Variants in TAS2R5 observed in about 807,000 individuals in gnomAD.
TAS2R5 encodes the protein taste 2 receptor member 5.
Under a neutral mutation model 14.4 loss-of-function variants are expected in TAS2R5, and 11 were observed. The ratio of observed to expected loss-of-function variants is 0.77; its 90% confidence interval spans 0.48 to 1.27. The LOEUF (loss-of-function observed/expected upper bound fraction) is 1.27. Ranked by LOEUF, TAS2R5 falls within the 50% of genes most tolerant of loss-of-function variation. The pLI is 0.00. For synonymous variants in TAS2R5, 120 were observed against 137.1 expected (o/e 0.87, Z 0.87); for missense variants, 339 against 353.9 (o/e 0.96, Z 0.34).
In TAS2R5 at chr7:141,791,093, C is replaced by T. The variant is rs1800443093; in HGVS notation, c.732C>T (p.Ser244=). ...YIMASPFSIT[S]KTYPPDLTSV... ...TGGCCAGCCCCTTCTCCATCACCTC[C>T]AAGACTTATCCTCCTGATCTCACCA... Residue 244 remains serine, a synonymous_variant, in exon 1 of 1, where the codon TCC becomes TCT. Transcript: ENST00000247883. 3 of 1,614,184 alleles carry T rather than the reference C, an allele frequency of 1.9e-6. No homozygotes were observed. Among genetic ancestry groups the T allele is most frequent in the Non-Finnish European group, 2.5e-6 (3 of 1,180,018 alleles).
rs1455085733 is a variant in TAS2R5, at chr7:141,791,314, C to T, written c.*53C>T. On this transcript the variant is annotated 3_prime_UTR_variant, in exon 1 of 1. Coordinates refer to ENST00000247883, the MANE Select transcript of TAS2R5 (RefSeq NM_018980.3). ...CTCTTGGGACGCTCTTTTGATAGCT[C>T]TCTATAAGGGAGCTGCTTTCCATGT... The T allele has an allele frequency of 1.7e-5, 26 of 1,523,922 alleles. No individual in the cohort carries two copies. In the Admixed American group the frequency reaches 2.6e-4, roughly 15 times the overall value. The allele number at this position is 1,523,922 out of a possible 1,614,324, so 94.4% of individuals were successfully genotyped here. A position where few individuals can be genotyped will look rare whatever the true frequency, so the allele number is the denominator to read the frequency against.
In TAS2R5 at chr7:141,791,306, T is replaced by C; in HGVS notation, c.*45T>C. 1.3e-6 allele frequency: 2 copies of C among 1,552,430 alleles called. No homozygotes were observed. The highest frequency in any genetic ancestry group is 1.7e-6 in the Non-Finnish European group (2 of 1,149,066). On this transcript the variant is annotated 3_prime_UTR_variant, in exon 1 of 1. Coordinates refer to ENST00000247883, the MANE Select transcript of TAS2R5 (RefSeq NM_018980.3). The stretch of plus-strand genomic sequence containing the variant: ...TCAGGACACTCTTGGGACGCTCTTT[T>C]GATAGCTCTCTATAAGGGAGCTGCT...
Position 141,790,775 on chromosome 7 carries a change from G to C in TAS2R5, c.414G>C (p.Leu138Phe). The C allele has an allele frequency of 6.2e-7, 1 of 1,614,128 alleles. No homozygotes were observed. ...TTCTGGGCTACTTTATAATCAATTT[G>C]TTACTTACAGTCCAAATTGGCTTAA... is the stretch of plus-strand genomic sequence containing the variant. ...WCLLGYFIIN[L>F]LLTVQIGLTF... The change falls in exon 1 of 1, where the codon TTG becomes TTC. Residue 138 changes from leucine to phenylalanine, a missense_variant. Leu to Phe is a conservative substitution (Grantham distance 22, BLOSUM62 0). Coordinates refer to ENST00000247883, the MANE Select transcript of TAS2R5 (RefSeq NM_018980.3).
chr7:141,790,877 G>A lies in TAS2R5; in HGVS notation c.516G>A (p.Gln172=). Residue 172 remains glutamine, a synonymous_variant, in exon 1 of 1, where the codon CAG becomes CAA. Transcript: ENST00000247883. Reference sequence around the variant, plus strand: ...GCTGGCAGTACCTGTATGCATTTCAGCTCAATTCAGGAAGTTATTTGCCTT... The same window carrying A: ...GCTGGCAGTACCTGTATGCATTTCAACTCAATTCAGGAAGTTATTTGCCTT... ...FESWQYLYAF[Q]LNSGSYLPLV... The A allele has an allele frequency of 6.2e-7, 1 of 1,614,142 alleles. No homozygotes were observed. The highest frequency in any genetic ancestry group is 1.1e-5 in the South Asian group (1 of 91,064).
At position 141,790,781 on chromosome 7, in the gene TAS2R5, T is replaced by A. The variant is rs778955076; in HGVS notation, c.420T>A (p.Leu140=). Residue 140 remains leucine, a synonymous_variant, in exon 1 of 1, where the codon CTT becomes CTA. Coordinates refer to ENST00000247883, the MANE Select transcript of TAS2R5 (RefSeq NM_018980.3). Reference sequence around the variant, plus strand: ...GCTACTTTATAATCAATTTGTTACTTACAGTCCAAATTGGCTTAACATTCT... The same window carrying A: ...GCTACTTTATAATCAATTTGTTACTAACAGTCCAAATTGGCTTAACATTCT... ...LLGYFIINLL[L]TVQIGLTFYH... 16 of 1,614,194 alleles carry A rather than the reference T, an allele frequency of 9.9e-6. No homozygotes were observed. Among genetic ancestry groups the A allele is most frequent in the Non-Finnish European group, 1.4e-5 (16 of 1,180,042 alleles).
rs747180926 is a variant in TAS2R5 at position 141,791,043 on chromosome 7, C to G, written c.682C>G (p.Leu228Val). The change falls in exon 1 of 1, where the codon CTC (leucine) becomes GTC (valine). Residue 228 changes from leucine (L) to valine (V), a missense_variant. Leu to Val is a conservative substitution (Grantham distance 32). Transcript: ENST00000247883. ...TGCGCTGAAGTCCTTGGGCTGCTTCCTCTTACTTCACCTGGTTTATATCAT... is the reference window on the plus strand; with the variant it reads ...TGCGCTGAAGTCCTTGGGCTGCTTCGTCTTACTTCACCTGGTTTATATCAT... ...ITALKSLGCF[L>V]LLHLVYIMAS... 6 of 1,614,086 alleles carry G rather than the reference C, an allele frequency of 3.7e-6. No homozygotes were observed. The highest frequency in any genetic ancestry group is 2.7e-5 in the African/African-American group (2 of 74,926).
rs773151838 is a variant in TAS2R5 at position 141,790,623 on chromosome 7, G to A, written c.262G>A (p.Val88Ile). Residue 88 changes from valine (V) to isoleucine (I), a missense_variant, in exon 1 of 1, where the codon GTA becomes ATA. Coordinates refer to ENST00000247883, the MANE Select transcript of TAS2R5 (RefSeq NM_018980.3). ...LRYLSIFWVLVSQASLWFATF... is the reference protein window; with the variant it reads ...LRYLSIFWVLISQASLWFATF... ...CTATCTTAGTATCTTCTGGGTCCTG[G>A]TAAGCCAGGCCAGCTTATGGTTTGC... 4.3e-6 allele frequency: 7 copies of A among 1,614,004 alleles called. No individual in the cohort carries two copies. The East Asian group carries it at 1.3e-4, about 31-fold the overall frequency.
In TAS2R5 at chr7:141,790,908, G is replaced by T. The variant is rs1436327511; in HGVS notation, c.547G>T (p.Val183Leu). Residue 183 changes from valine (V) to leucine (L), a missense_variant, in exon 1 of 1, where the codon GTG becomes TTG. By Grantham distance (32) the Val-to-Leu change is conservative (BLOSUM62 1). Transcript: ENST00000247883. ...TTCAGGAAGTTATTTGCCTTTAGTG[G>T]TGTTTCTTGTTTCCTCTGGGATGCT... ...LNSGSYLPLV[V>L]FLVSSGMLIV... is the part of the protein sequence containing the mutation. The T allele has an allele frequency of 1.9e-6, 3 of 1,614,048 alleles. No homozygotes were observed. The highest frequency in any genetic ancestry group is 3.3e-5 in the Admixed American group (2 of 60,002).
rs765326902 is a variant in TAS2R5 at position 141,790,503 on chromosome 7, A to T, written c.142A>T (p.Ile48Phe). 3 of 1,614,096 alleles carry T rather than the reference A, an allele frequency of 1.9e-6. No homozygotes were observed. Among genetic ancestry groups the T allele is most frequent in the African/African-American group, 2.7e-5 (2 of 74,936 alleles). Residue 48 changes from isoleucine (I) to phenylalanine (F), a missense_variant, in exon 1 of 1, where the codon ATC (isoleucine) becomes TTC (phenylalanine). Ile to Phe is a conservative substitution (Grantham distance 21). Transcript: ENST00000247883. Reference protein sequence around the residue: ...KFNWSSYNLIILGLAGCRFLL... With the variant: ...KFNWSSYNLIFLGLAGCRFLL... ...CAACTGGTCCTCATATAACCTCATT[A>T]TCCTGGGCCTGGCTGGCTGCCGATT...
At position 141,790,948 on chromosome 7, in the gene TAS2R5, A is replaced by G; in HGVS notation, c.587A>G (p.Tyr196Cys). The change falls in exon 1 of 1, where the codon TAT becomes TGT. Residue 196 changes from tyrosine to cysteine, a missense_variant. By Grantham distance (194) the Tyr-to-Cys change is radical. Coordinates refer to ENST00000247883, the MANE Select transcript of TAS2R5 (RefSeq NM_018980.3). ...VSSGMLIVSL[Y>C]THHKKMKVHS... ...TCTGGGATGCTGATTGTCTCTTTGT[A>G]TACACACCACAAGAAGATGAAGGTC... 4 of 1,614,074 alleles carry G rather than the reference A, an allele frequency of 2.5e-6. No individual in the cohort carries two copies. The highest frequency in any genetic ancestry group is 1.3e-5 in the African/African-American group (1 of 74,986).
In TAS2R5 at chr7:141,790,684, C is replaced by T. The variant is rs140264085; in HGVS notation, c.323C>T (p.Thr108Met). Residue 108 changes from threonine to methionine, a missense_variant, in exon 1 of 1, where the codon ACG becomes ATG. Thr to Met is a moderately conservative substitution (Grantham distance 81). Coordinates refer to ENST00000247883, the MANE Select transcript of TAS2R5 (RefSeq NM_018980.3). ...AGTGTCTTCTATTGCAAGAAGATCA[C>T]GACCTTCGATCGCCCGGCCTACTTG... ...FLSVFYCKKI[T>M]TFDRPAYLWL... 335 of 1,614,192 alleles carry T rather than the reference C, an allele frequency of 2.1e-4. 2 individuals are homozygous for T. The East Asian group carries it at 2.1e-3, about 10-fold the overall frequency.
Position 141,790,593 on chromosome 7 carries a change from C to T in TAS2R5, c.232C>T (p.Leu78Phe). Reference sequence around the variant, plus strand: ...TCCACTTTTCCAGAGCAGCCGTTGGCTTCGCTATCTTAGTATCTTCTGGGT... The same window carrying T: ...TCCACTTTTCCAGAGCAGCCGTTGGTTTCGCTATCTTAGTATCTTCTGGGT... ...LFPLFQSSRWLRYLSIFWVLV... is the reference protein window; with the variant it reads ...LFPLFQSSRWFRYLSIFWVLV... Residue 78 changes from leucine to phenylalanine, a missense_variant, in exon 1 of 1, where the codon CTT becomes TTT. Transcript: ENST00000247883. 1 of 1,614,154 alleles carries T rather than the reference C, an allele frequency of 6.2e-7. No individual in the cohort carries two copies. Among genetic ancestry groups the T allele is most frequent in the Non-Finnish European group, 8.5e-7 (1 of 1,180,020 alleles).
Position 141,790,320 on chromosome 7 carries a change from C to T in TAS2R5, c.-42C>T. 1.3e-6 allele frequency: 2 copies of T among 1,592,828 alleles called. No individual in the cohort carries two copies. The highest frequency in any genetic ancestry group is 1.7e-6 in the Non-Finnish European group (2 of 1,170,624). Reference sequence around the variant, plus strand: ...TGGTGTGTTATCACTACCAGGGGATCTGACCTCAGCCAGGAGCAGTGAGAG... The same window carrying T: ...TGGTGTGTTATCACTACCAGGGGATTTGACCTCAGCCAGGAGCAGTGAGAG... On this transcript the variant is annotated 5_prime_UTR_variant, in exon 1 of 1. Transcript: ENST00000247883.
chr7:141,790,978 C>T lies in TAS2R5; in HGVS notation c.617C>T (p.Ser206Leu), dbSNP rs745590916. Residue 206 changes from serine (S) to leucine (L), a missense_variant, in exon 1 of 1, where the codon TCA (serine) becomes TTA (leucine). Transcript: ENST00000247883. ...CACCACAAGAAGATGAAGGTCCATT[C>T]AGCTGGTAGGAGGGATGTCCGGGCC... is the stretch of plus-strand genomic sequence containing the variant. ...YTHHKKMKVH[S>L]AGRRDVRAKA... The T allele has an allele frequency of 8.1e-6, 13 of 1,614,166 alleles. No individual in the cohort carries two copies. The highest frequency in any genetic ancestry group is 1.1e-5 in the Non-Finnish European group (13 of 1,180,046).
Position 141,791,323 on chromosome 7 carries a change from G to A in TAS2R5, c.*62G>A, listed in dbSNP as rs867797230. On this transcript the variant is annotated 3_prime_UTR_variant, in exon 1 of 1. Transcript: ENST00000247883. Reference sequence around the variant, plus strand: ...CGCTCTTTTGATAGCTCTCTATAAGGGAGCTGCTTTCCATGTCTTTTAAGA... The same window carrying A: ...CGCTCTTTTGATAGCTCTCTATAAGAGAGCTGCTTTCCATGTCTTTTAAGA... 6.9e-7 allele frequency: 1 copy of A among 1,450,388 alleles called. No homozygotes were observed. The highest frequency in any genetic ancestry group is 9.3e-7 in the Non-Finnish European group (1 of 1,074,060). 89.8% of individuals were successfully genotyped at this position (1,450,388 alleles called of 1,614,324 possible).
At position 141,790,241 on chromosome 7, in the gene TAS2R5, C is replaced by T. The variant is rs2117231559; in HGVS notation, c.-121C>T. Reference sequence around the variant, plus strand: ...ACAGCTGTTCAGTCTCGCTTGAAGACAGATTACGGAAGGACGAGGCCAAAT... The same window carrying T: ...ACAGCTGTTCAGTCTCGCTTGAAGATAGATTACGGAAGGACGAGGCCAAAT... On this transcript the variant is annotated 5_prime_UTR_variant, in exon 1 of 1. Transcript: ENST00000247883. The T allele has an allele frequency of 9.3e-7, 1 of 1,072,452 alleles. No homozygotes were observed. Among genetic ancestry groups the T allele is most frequent in the Non-Finnish European group, 1.3e-6 (1 of 743,524 alleles). The allele number at this position is 1,072,452 out of a possible 1,614,324, so 66.4% of individuals were successfully genotyped here. A position where few individuals can be genotyped will look rare whatever the true frequency, so the allele number is the denominator to read the frequency against.
Position 141,790,933 on chromosome 7 carries a change from T to C in TAS2R5, c.572T>C (p.Leu191Pro). 1 of 1,614,204 alleles carries C rather than the reference T, an allele frequency of 6.2e-7. No individual in the cohort carries two copies. Among genetic ancestry groups the C allele is most frequent in the Non-Finnish European group, 8.5e-7 (1 of 1,180,020 alleles). The change falls in exon 1 of 1, where the codon CTG becomes CCG. Residue 191 changes from leucine to proline, a missense_variant. Physicochemically the swap from Leu to Pro is moderately conservative, Grantham distance 98. Coordinates refer to ENST00000247883, the MANE Select transcript of TAS2R5 (RefSeq NM_018980.3). ...GTGTTTCTTGTTTCCTCTGGGATGC[T>C]GATTGTCTCTTTGTATACACACCAC... ...LVVFLVSSGM[L>P]IVSLYTHHKK...
At position 141,790,588 on chromosome 7, in the gene TAS2R5, G is replaced by C; in HGVS notation, c.227G>C (p.Arg76Pro). 6.2e-7 allele frequency: 1 copy of C among 1,614,184 alleles called. No homozygotes were observed. Among genetic ancestry groups the C allele is most frequent in the African/African-American group, 1.3e-5 (1 of 75,042 alleles). Residue 76 changes from arginine (R) to proline (P), a missense_variant, in exon 1 of 1, where the codon CGT (arginine) becomes CCT (proline). Physicochemically the swap from Arg to Pro is moderately radical, Grantham distance 103. Transcript: ENST00000247883. ...LSLFPLFQSS[R>P]WLRYLSIFWV... ...TTGTTTCCACTTTTCCAGAGCAGCC[G>C]TTGGCTTCGCTATCTTAGTATCTTC...
chr7:141,790,423 T>TGA, the TAS2R5 span: 3 of 1,614,200 alleles, frequency 1.9e-6, no homozygotes, highest in Non-Finnish European at 2.5e-6. Context: ...CTCATCGGTT[T>TGA]AATTGGAAAT....
Sources: gnomAD v4.1 joint callset for allele counts on GRCh38, gnomAD v4.1.1 for gene constraint, MANE v1.5 for transcripts, NCBI Gene and HGNC (gene_info 2026-07-23, HGNC 2026-07-21) for gene names.